The following ADARB2 variants were observed in gnomAD, a reference collection of about 807,000 sequenced individuals.
ADARB2 encodes adenosine deaminase RNA specific B2 (inactive), also known as inactive double-stranded RNA-specific editase B2.
ADARB2 carries 25 observed loss-of-function variants against 62.2 expected under a neutral mutation model. The ratio of observed to expected loss-of-function variants is 0.40; its 90% CI spans 0.29 to 0.56. ADARB2 has a LOEUF of 0.56. ADARB2 is among the 20% of genes least tolerant of loss of function. The probability of loss-of-function intolerance (pLI) is 0.43; values close to 1 mark genes in which losing one functional copy is unlikely to be tolerated. For synonymous variants in ADARB2, 572 were observed against 500.8 expected (o/e 1.14, Z -1.90); for missense variants, 1,071 against 1,077.4 (o/e 0.99, Z 0.08).
chr10:1,506,027 C>A (rs1831842719), intron 1 of ADARB2, among the ~76,000 whole-genome samples: 1 of 152,070 alleles, frequency 6.6e-6, no homozygotes, highest in African/African-American at 2.4e-5. Flanking sequence ...CATCTATGAT[C>A]TGATTATTAT....
rs78979201 is a variant in ADARB2, at chr10:1,726,589, T to C, written c.100+10462A>G. On this transcript the variant is annotated intron_variant, in intron 1 of 9. Coordinates refer to ENST00000381312, the MANE Select transcript of ADARB2 (RefSeq NM_018702.4). ...CCAGGCAAAGAGATGCCGTCCTTGG[T>C]CACGAACGAGGCCATGCTCTGTTGA... Among the ~76,000 whole-genome samples, 192 of 152,282 alleles carry C rather than the reference T, an allele frequency of 1.3e-3. 5 individuals are homozygous for C. The East Asian group carries it at 0.032, about 25-fold the overall frequency.
At chr10:1,233,957 A>G (rs1420064981) in intron 5 of ADARB2, 112 bp from the exon 6 acceptor site, 1 of 806,294 alleles carries the variant, frequency 1.2e-6, no homozygotes, top group Admixed American at 4.5e-5. Context: ...GTTTTCCTTT[A>G]TATTTTTCCT....
Position 1,415,924 on chromosome 10 carries a change from T to C in ADARB2, c.101-36764A>G, listed in dbSNP as rs537779751. 2.6e-5 allele frequency among the ~76,000 whole-genome samples: 4 copies of C among 152,312 alleles called. No homozygotes were observed. In the East Asian group the frequency reaches 7.7e-4, roughly 29 times the overall value. On this transcript the variant is annotated intron_variant, in intron 1 of 9. Transcript: ENST00000381312. Reference sequence around the variant, plus strand: ...CCTAGGGTAGTCATATTATAGAGCCTGGATATGAGGCTGATTCTACCACTC... The same window carrying C: ...CCTAGGGTAGTCATATTATAGAGCCCGGATATGAGGCTGATTCTACCACTC...
chr10:1,308,455 A>G (rs1285669376), intron 3 of ADARB2, among the ~76,000 whole-genome samples: 1 of 152,222 alleles, frequency 6.6e-6, no homozygotes, highest in African/African-American at 2.4e-5. Flanking sequence ...AAGCTACTAT[A>G]AACATCCATG....
At chr10:1,232,562 G>A (rs1380460339) in intron 6 of ADARB2, among the ~76,000 whole-genome samples, 2 of 150,668 alleles carry the variant, frequency 1.3e-5, no homozygotes, top group African/African-American at 4.9e-5. Context: ...TGGTGTATGT[G>A]CTATGTGTGT....
intron 1 of ADARB2, among the ~76,000 whole-genome samples, chr10:1,734,320 G>C (rs1221401058): frequency 7.9e-6 from 1 of 127,248 alleles, no homozygotes; most frequent in Non-Finnish European, 1.6e-5. Flanking sequence ...TTTTTTTAAA[G>C]ATACATACAG....
Position 1,178,307 on chromosome 10 carries a change from G to C in ADARB2, c.*4886C>G, listed in dbSNP as rs980196623. On this transcript the variant is annotated 3_prime_UTR_variant, in exon 10 of 10. Coordinates refer to ENST00000381312, the MANE Select transcript of ADARB2 (RefSeq NM_018702.4). ...AAGGGAAGCGAAGAGGCTGAGGGGAGAGTGAGCGGAGGGTGGTGCTGGCCG... is the reference window on the plus strand; with the variant it reads ...AAGGGAAGCGAAGAGGCTGAGGGGACAGTGAGCGGAGGGTGGTGCTGGCCG... The C allele has an allele frequency of 2.0e-5, 3 of 152,450 alleles. No individual in the cohort carries two copies. Among genetic ancestry groups the C allele is most frequent in the Non-Finnish European group, 1.5e-5 (1 of 68,196 alleles). The allele number at this position is 152,450 out of a possible 1,614,324, so 9.4% of individuals were successfully genotyped here. A position where few individuals can be genotyped will look rare whatever the true frequency, so the allele number is the denominator to read the frequency against.
chr10:1,323,788 C>G (rs1339385594), intron 3 of ADARB2, among the ~76,000 whole-genome samples: 1 of 151,862 alleles, frequency 6.6e-6, no homozygotes, highest in Non-Finnish European at 1.5e-5. Flanking sequence ...CAGACGTAAA[C>G]TATAAAACTT....
intron 1 of ADARB2, among the ~76,000 whole-genome samples, chr10:1,667,024 T>A (rs1307680138): frequency 6.6e-6 from 1 of 152,246 alleles, no homozygotes; most frequent in Non-Finnish European, 1.5e-5. Flanking sequence ...AAGTTATTGT[T>A]ATGTAATTAA....
At chr10:1,564,784 C>CTTTTTT (rs59446234) in intron 1 of ADARB2, among the ~76,000 whole-genome samples, 6 of 147,366 alleles carry the variant, frequency 4.1e-5, no homozygotes, top group African/African-American at 1.0e-4. Context: ...CTTTTATTAC[C>CTTTTTT]TTTTTTTTTT....
chr10:1,555,779 A>G (rs1832691851), intron 1 of ADARB2, among the ~76,000 whole-genome samples: 1 of 152,188 alleles, frequency 6.6e-6, no homozygotes, highest in South Asian at 2.1e-4. Flanking sequence ...TACTAAAAAT[A>G]CAAAAATTAG....
At chr10:1,539,973 T>C (rs1442647755) in intron 1 of ADARB2, among the ~76,000 whole-genome samples, 1 of 152,206 alleles carries the variant, frequency 6.6e-6, no homozygotes, top group Admixed American at 6.5e-5. Flanking sequence ...TTTTTTTTTC[T>C]TTTGGTGGTT....
At chr10:1,578,435 G>C (rs1052257728) in intron 1 of ADARB2, among the ~76,000 whole-genome samples, 9 of 152,170 alleles carry the variant, frequency 5.9e-5, no homozygotes, top group African/African-American at 2.2e-4. Context: ...CCTGCGTGAG[G>C]CTTTATTTCT....
chr10:1,341,219 G>A (rs1421088734), intron 3 of ADARB2, among the ~76,000 whole-genome samples: 4 of 141,076 alleles, frequency 2.8e-5, no homozygotes, highest in Non-Finnish European at 4.6e-5. Context: ...AGAGAACCAC[G>A]TGCCCCACAG....
intron 7 of ADARB2, among the ~76,000 whole-genome samples, chr10:1,208,711 T>G (rs1014946877): frequency 1.3e-5 from 2 of 152,164 alleles, no homozygotes; most frequent in Non-Finnish European, 2.9e-5. Flanking sequence ...TCTTAAGTGG[T>G]CATGTAATTA....
rs368405727 is a variant in ADARB2, at chr10:1,570,637, G to A, written c.100+166414C>T. On this transcript the variant is annotated intron_variant, in intron 1 of 9. Transcript: ENST00000381312. ...GTCTCATGCCCCCTGGCCTGTCACA[G>A]CAGTGGGTGAGTCAGGAGGGCACAA... is the stretch of plus-strand genomic sequence containing the variant. 2.6e-4 allele frequency among the ~76,000 whole-genome samples: 40 copies of A among 152,342 alleles called. No homozygotes were observed. The East Asian group carries it at 7.1e-3, about 27-fold the overall frequency.
chr10:1,393,668 C>T (rs949773494), intron 1 of ADARB2, among the ~76,000 whole-genome samples: 1 of 152,170 alleles, frequency 6.6e-6, no homozygotes, highest in Non-Finnish European at 1.5e-5. Flanking sequence ...ACCACCCAGG[C>T]CACGCGTTAT....
At chr10:1,605,937 C>G (rs892059934) in intron 1 of ADARB2, among the ~76,000 whole-genome samples, 1 of 152,192 alleles carries the variant, frequency 6.6e-6, no homozygotes, top group African/African-American at 2.4e-5. Context: ...ATAGAACAAT[C>G]AGTTTGGGTG....
At chr10:1,697,390 T>C (rs1415878922) in intron 1 of ADARB2, among the ~76,000 whole-genome samples, 2 of 152,196 alleles carry the variant, frequency 1.3e-5, no homozygotes, top group East Asian at 1.9e-4. Flanking sequence ...AGTGTGAACA[T>C]TGACTGAACA....
Sources: gnomAD v4.1 joint callset for allele counts (sites outside exome capture counted in the v4.1 genomes callset) on GRCh38, gnomAD v4.1.1 for gene constraint, MANE v1.5 for transcripts, NCBI Gene and HGNC (gene_info 2026-07-23, HGNC 2026-07-21) for gene names.